Variants in CTNNBIP1 observed in about 807,000 individuals in gnomAD.
The protein encoded by CTNNBIP1 is catenin beta interacting protein 1, also known as beta-catenin-interacting protein 1.
CTNNBIP1 carries 7 observed loss-of-function variants against 11.8 expected under a neutral mutation model. That is an observed-to-expected ratio of 0.60 (90% CI 0.34 to 1.12). The LOEUF (loss-of-function observed/expected upper bound fraction) is 1.12, where lower values mean the gene tolerates loss of function less well. Among genes scored for constraint, CTNNBIP1 ranks in the 50% most tolerant of loss-of-function variants. The pLI is 0.03. For missense variants in CTNNBIP1, 101 were observed against 113.4 expected (o/e 0.89, Z 0.50); for synonymous variants, 58 against 43.9 (o/e 1.32, Z -1.26).
At chr1:9,888,162 G>A (rs1570589153) in intron 1 of CTNNBIP1, among the ~76,000 whole-genome samples, 1 of 152,028 alleles carries the variant, frequency 6.6e-6, no homozygotes, top group East Asian at 2.0e-4. Context: ...TGGGCACAGT[G>A]GCTCATGCCT....
At chr1:9,894,529 T>A in intron 1 of CTNNBIP1, among the ~76,000 whole-genome samples, 1 of 151,000 alleles carries the variant, frequency 6.6e-6, no homozygotes, top group Admixed American at 6.6e-5. Context: ...CTGCTTTTTT[T>A]TTTTCTTTTC....
intron 3 of CTNNBIP1, among the ~76,000 whole-genome samples, chr1:9,874,025 T>C (rs1330423235): frequency 1.3e-5 from 2 of 152,062 alleles, no homozygotes; most frequent in African/African-American, 4.8e-5. Flanking sequence ...ACTCCTACCT[T>C]AAACCTACCT....
intron 5 of CTNNBIP1, among the ~76,000 whole-genome samples, chr1:9,858,192 C>T (rs1638548242): frequency 6.6e-6 from 1 of 152,140 alleles, no homozygotes; most frequent in Admixed American, 6.5e-5. Flanking sequence ...CTCCTGAATC[C>T]CCGCTTGCCT....
intron 5 of CTNNBIP1, among the ~76,000 whole-genome samples, chr1:9,861,964 C>T (rs1004205628): frequency 2.6e-5 from 4 of 152,228 alleles, no homozygotes; most frequent in African/African-American, 9.6e-5. Context: ...CACAGGGTCG[C>T]ACCTTGGGGC....
intron 1 of CTNNBIP1, among the ~76,000 whole-genome samples, chr1:9,891,699 TG>T (rs1354926690): frequency 6.6e-6 from 1 of 151,830 alleles, no homozygotes. Flanking sequence ...CCCAGCACTT[TG>T]GGAGACTGAG....
At chr1:9,869,035 T>C (rs1206283756) in intron 5 of CTNNBIP1, among the ~76,000 whole-genome samples, 1 of 152,250 alleles carries the variant, frequency 6.6e-6, no homozygotes, top group African/African-American at 2.4e-5. Flanking sequence ...AGTCTCCCTC[T>C]GTTGCCCAGG....
intron 1 of CTNNBIP1, among the ~76,000 whole-genome samples, chr1:9,896,296 C>T (rs1300987472): frequency 1.3e-5 from 2 of 152,186 alleles, no homozygotes; most frequent in Non-Finnish European, 2.9e-5. Flanking sequence ...GTGATGCTGG[C>T]TTTGATACCT....
chr1:9,868,917 T>C (rs905062803), intron 5 of CTNNBIP1, among the ~76,000 whole-genome samples: 1 of 152,166 alleles, frequency 6.6e-6, no homozygotes, highest in African/African-American at 2.4e-5. Flanking sequence ...ATTACAGGCA[T>C]GAACCACCAC....
rs145068342 is a variant in CTNNBIP1, at chr1:9,908,558, T to C, written c.-144+1537A>G. The stretch of plus-strand genomic sequence containing the variant: ...CCCAGCTAATTTTTTGTATTTGTAG[T>C]AGATATGGGGTTTCACCGTGGTCTC... On this transcript the variant is annotated intron_variant, in intron 1 of 5. Coordinates refer to ENST00000377263, the MANE Select transcript of CTNNBIP1 (RefSeq NM_020248.3). 3.7e-3 allele frequency among the ~76,000 whole-genome samples: 552 copies of C among 151,114 alleles called. 10 individuals are homozygous for C. Among genetic ancestry groups the C allele is most frequent in the Admixed American group, 0.018 (272 of 15,158 alleles).
At chr1:9,878,666 T>A (rs1639020385) in intron 2 of CTNNBIP1, among the ~76,000 whole-genome samples, 1 of 152,208 alleles carries the variant, frequency 6.6e-6, no homozygotes, top group Non-Finnish European at 1.5e-5. Flanking sequence ...TCAGGTCACC[T>A]GCACAGGTTA....
rs1027291113 is a variant in CTNNBIP1, at chr1:9,872,279, G to A, written c.-24-191C>T. Among the ~76,000 whole-genome samples, 1 of 152,242 alleles carries A rather than the reference G, an allele frequency of 6.6e-6. No individual in the cohort carries two copies. The highest frequency in any genetic ancestry group is 1.5e-5 in the Non-Finnish European group (1 of 68,048). On this transcript the variant is annotated intron_variant, in intron 3 of 5. Coordinates refer to ENST00000377263, the MANE Select transcript of CTNNBIP1 (RefSeq NM_020248.3). The surrounding 1 kb of genome is among the most constrained non-coding windows in gnomAD (Gnocchi z 4.0). ...CATGCTGGTCCCAGCAGGCTGAACT[G>A]AGCAGCTCTGTTCTCCAGCAGGCGC...
At chr1:9,879,689 T>C (rs1450017421) in intron 2 of CTNNBIP1, among the ~76,000 whole-genome samples, 1 of 152,192 alleles carries the variant, frequency 6.6e-6, no homozygotes, top group Non-Finnish European at 1.5e-5. Flanking sequence ...CCCCACATTC[T>C]TTCAAAAAGA....
chr1:9,887,078 ATG>A (rs1639204109), intron 1 of CTNNBIP1, among the ~76,000 whole-genome samples: 1 of 152,168 alleles, frequency 6.6e-6, no homozygotes, highest in South Asian at 2.1e-4. Context: ...GGGATGGGGA[ATG>A]TGTCTTGAGG....
intron 1 of CTNNBIP1, among the ~76,000 whole-genome samples, chr1:9,903,359 A>T (rs1557768484): frequency 1.3e-5 from 2 of 152,212 alleles, no homozygotes; most frequent in Non-Finnish European, 2.9e-5. Context: ...ATACCTGTTT[A>T]CAGAAGTTTC....
At chr1:9,881,371 C>T (rs943643472) in intron 2 of CTNNBIP1, among the ~76,000 whole-genome samples, 60 of 103,460 alleles carry the variant, frequency 5.8e-4, no homozygotes, top group African/African-American at 2.0e-3. Flanking sequence ...TGGAGTTTCT[C>T]TCTTATTGCC....
At chr1:9,875,766 G>A (rs931487464) in intron 3 of CTNNBIP1, among the ~76,000 whole-genome samples, 2 of 152,200 alleles carry the variant, frequency 1.3e-5, no homozygotes, top group African/African-American at 4.8e-5. Context: ...GCTGGATCTG[G>A]AGCAGAAATG....
At chr1:9,876,007 T>C (rs1199080077) in intron 3 of CTNNBIP1, among the ~76,000 whole-genome samples, 1 of 152,252 alleles carries the variant, frequency 6.6e-6, no homozygotes, top group Non-Finnish European at 1.5e-5. Flanking sequence ...CGTGCTATTA[T>C]ATTTTTATCA....
At chr1:9,898,770 T>C (rs1266245974) in intron 1 of CTNNBIP1, among the ~76,000 whole-genome samples, 3 of 152,192 alleles carry the variant, frequency 2.0e-5, no homozygotes, top group African/African-American at 7.2e-5. Context: ...TTATATAAAG[T>C]GACACAGTAT....
Position 9,850,656 on chromosome 1 carries a change from C to G in CTNNBIP1, c.*62G>C. 6.6e-7 allele frequency: 1 copy of G among 1,525,826 alleles called. No individual in the cohort carries two copies. Among genetic ancestry groups the G allele is most frequent in the South Asian group, 1.1e-5 (1 of 89,310 alleles). The allele number at this position is 1,525,826 out of a possible 1,614,324, so 94.5% of individuals were successfully genotyped here. ...GGGGGGCTGCTGCCACTCAGCCGGC[C>G]CAGGAGCCACACAGATCTCTTGGCC... On this transcript the variant is annotated 3_prime_UTR_variant, in exon 6 of 6. Coordinates refer to ENST00000377263, the MANE Select transcript of CTNNBIP1 (RefSeq NM_020248.3).
Sources: gnomAD v4.1 joint callset for allele counts (sites outside exome capture counted in the v4.1 genomes callset) on GRCh38, gnomAD v4.1.1 for gene constraint, Gnocchi (gnomAD v3.1) non-coding constraint, MANE v1.5 for transcripts, NCBI Gene and HGNC (gene_info 2026-07-23, HGNC 2026-07-21) for gene names.